The following LRPAP1 variants were observed in gnomAD, a reference collection of about 807,000 sequenced individuals.
LRPAP1 encodes the protein LDL receptor related protein associated protein 1.
Under a neutral mutation model 39.9 loss-of-function variants are expected in LRPAP1, and 41 were observed. The ratio of observed to expected loss-of-function variants is 1.03; its 90% CI spans 0.80 to 1.33. The LOEUF (loss-of-function observed/expected upper bound fraction) is 1.33. Ranked by LOEUF, LRPAP1 falls within the 40% of genes most tolerant of loss-of-function variation. LRPAP1 has a pLI of 0.00. For synonymous variants in LRPAP1, 263 were observed against 212.7 expected (o/e 1.24, Z -2.06); for missense variants, 565 against 482.3 (o/e 1.17, Z -1.61).
intron 7 of LRPAP1, among the ~76,000 whole-genome samples, chr4:3,513,575 C>G (rs1729601022): frequency 6.6e-6 from 1 of 152,214 alleles, no homozygotes; most frequent in African/African-American, 2.4e-5. Context: ...TCCCAAAGTG[C>G]TGGGATTACA....
rs1729371291 is a variant in LRPAP1 at position 3,506,908 on chromosome 4, G to C, written c.*6066C>G. ...ATATCTGAGGAAGGACTCACACCTA[G>C]ACCTGGGAATAACGCTAAGACCAGG... On this transcript the variant is annotated 3_prime_UTR_variant, in exon 8 of 8. Transcript: ENST00000650182. The C allele has an allele frequency of 6.6e-6, 1 of 152,242 alleles. No homozygotes were observed. Among genetic ancestry groups the C allele is most frequent in the African/African-American group, 2.4e-5 (1 of 41,444 alleles). 9.4% of individuals were successfully genotyped at this position (152,242 alleles called of 1,614,324 possible). A position where few individuals can be genotyped will look rare whatever the true frequency, so the allele number is the denominator to read the frequency against.
chr4:3,519,886 A>C (rs959526605), intron 3 of LRPAP1, among the ~76,000 whole-genome samples, 186 bp downstream of exon 3: 2 of 152,242 alleles, frequency 1.3e-5, no homozygotes, highest in South Asian at 2.1e-4. Context: ...GGAATCTTCT[A>C]AACAGGAAAG....
rs1729680306 is a variant in LRPAP1, at chr4:3,515,944, C to G, written c.834+172G>C. 9.2e-6 allele frequency: 6 copies of G among 653,282 alleles called. No homozygotes were observed. The South Asian group carries it at 1.2e-4, about 13-fold the overall frequency. The allele number at this position is 653,282 out of a possible 1,614,324, so 40.5% of individuals were successfully genotyped here. On this transcript the variant is annotated intron_variant, in intron 6 of 7. Transcript: ENST00000650182. ...GGCCCCGCCCCTGAAACACGAGTTCCCACGCAGATGAGAAGGAAAACGCAA... is the reference window on the plus strand; with the variant it reads ...GGCCCCGCCCCTGAAACACGAGTTCGCACGCAGATGAGAAGGAAAACGCAA...
In LRPAP1 at chr4:3,532,321, T is replaced by C; in HGVS notation, c.92A>G (p.His31Arg). 6.3e-7 allele frequency: 1 copy of C among 1,584,084 alleles called. No homozygotes were observed. Among genetic ancestry groups the C allele is most frequent in the Non-Finnish European group, 8.6e-7 (1 of 1,165,056 alleles). Residue 31 changes from histidine to arginine, a missense_variant, in exon 1 of 8, where the codon CAC (histidine) becomes CGC (arginine). By Grantham distance (29) the His-to-Arg change is conservative. Coordinates refer to ENST00000650182, the MANE Select transcript of LRPAP1 (RefSeq NM_002337.4). Reference sequence around the variant, plus strand: ...CTTCTCCCGCGAGTACTTGCCGCCGTGGCTCGCAGCGGGCCAGGGCCCGAG... The same window carrying C: ...CTTCTCCCGCGAGTACTTGCCGCCGCGGCTCGCAGCGGGCCAGGGCCCGAG... ...LFLGPWPAAS[H>R]GGKYSREKNQ...
chr4:3,525,079 G>A, intron 1 of LRPAP1, 28 bp from the exon 2 acceptor site: 1 of 1,613,036 alleles, frequency 6.2e-7, no homozygotes, highest in Non-Finnish European at 8.5e-7. Flanking sequence ...GAGCCTGTGA[G>A]CCACGAGCAG....
chr4:3,517,237 G>A (rs948087607), intron 5 of LRPAP1, among the ~76,000 whole-genome samples: 21 of 152,254 alleles, frequency 1.4e-4, no homozygotes, highest in African/African-American at 3.6e-4. Context: ...ACCTGGGCCC[G>A]CGTGGACACA....
In LRPAP1 at chr4:3,532,319, CG is replaced by C. The variant is rs780710582; in HGVS notation, c.93del (p.His31GlnfsTer29). The C allele has an allele frequency of 6.3e-7, 1 of 1,582,848 alleles. No homozygotes were observed. The stretch of plus-strand genomic sequence containing the variant: ...TTCTTCTCCCGCGAGTACTTGCCGC[CG>C]TGGCTCGCAGCGGGCCAGGGCCCGA... ...LFLGPWPAASHGGKYSREKNQ... is the reference protein window; with the variant it reads ...LFLGPWPAASXGGKYSREKNQ... On this transcript the variant is annotated frameshift_variant, in exon 1 of 8. Transcript: ENST00000650182. LOFTEE classifies it high-confidence loss of function.
chr4:3,514,105 A>G (rs1050119348), intron 7 of LRPAP1, among the ~76,000 whole-genome samples: 1 of 152,254 alleles, frequency 6.6e-6, no homozygotes, highest in African/African-American at 2.4e-5. Context: ...GCCCACGGGC[A>G]AGGGCCACAG....
chr4:3,527,969 A>T (rs1317214114), intron 1 of LRPAP1, among the ~76,000 whole-genome samples: 1 of 152,170 alleles, frequency 6.6e-6, no homozygotes, highest in Non-Finnish European at 1.5e-5. Flanking sequence ...AGGGGGTCTA[A>T]ATTTCACACC....
At chr4:3,515,749 A>G (rs1331043929) in intron 6 of LRPAP1, 2 of 273,362 alleles carry the variant, frequency 7.3e-6, no homozygotes, top group Non-Finnish European at 1.4e-5. Flanking sequence ...CTGGGCCTCC[A>G]TCTCAGGAAG....
chr4:3,526,240 C>G (rs1379426740), intron 1 of LRPAP1, among the ~76,000 whole-genome samples: 2 of 152,188 alleles, frequency 1.3e-5, no homozygotes, highest in Admixed American at 1.3e-4. Flanking sequence ...CCCTGAGCAC[C>G]TGCATTCTCA....
chr4:3,526,283 C>T (rs191844155), intron 1 of LRPAP1, among the ~76,000 whole-genome samples: 14 of 152,278 alleles, frequency 9.2e-5, no homozygotes, highest in African/African-American at 1.2e-4. Flanking sequence ...ATGAGCTGCC[C>T]GTGGCTCTAG....
In LRPAP1 at chr4:3,532,277, G is replaced by C. The variant is rs1307612776; in HGVS notation, c.136C>G (p.Pro46Ala). Reference protein sequence around the residue: ...SREKNQPKPSPKRESGEEFRM... With the variant: ...SREKNQPKPSAKRESGEEFRM... ...AACTCCTCTCCGGACTCGCGTTTCG[G>C]GGACGGCTTGGGCTGGTTCTTCTCC... is the stretch of plus-strand genomic sequence containing the variant. The change falls in exon 1 of 8, where the codon CCG (proline) becomes GCG (alanine). Residue 46 changes from proline (P) to alanine (A), a missense_variant. Pro to Ala is a conservative substitution (Grantham distance 27). Coordinates refer to ENST00000650182, the MANE Select transcript of LRPAP1 (RefSeq NM_002337.4). 7.7e-6 allele frequency: 12 copies of C among 1,558,136 alleles called. No homozygotes were observed. Among genetic ancestry groups the C allele is most frequent in the African/African-American group, 1.4e-5 (1 of 73,582 alleles).
intron 1 of LRPAP1, among the ~76,000 whole-genome samples, chr4:3,531,394 G>A (rs1420087601): frequency 2.0e-5 from 3 of 151,652 alleles, no homozygotes; most frequent in African/African-American, 4.8e-5. Context: ...TTGAGACAGA[G>A]ATCTAATCTG....
chr4:3,529,622 AAG>A (rs1474663797), intron 1 of LRPAP1, among the ~76,000 whole-genome samples: 2 of 152,178 alleles, frequency 1.3e-5, no homozygotes, highest in Non-Finnish European at 2.9e-5. Context: ...CCGCCTGTGA[AAG>A]AGGAACTGGG....
intron 6 of LRPAP1, among the ~76,000 whole-genome samples, chr4:3,515,416 G>A (rs1729661254): frequency 6.6e-6 from 1 of 152,200 alleles, no homozygotes. Flanking sequence ...GCCAGCTAAG[G>A]TGCCCCAGCC....
chr4:3,518,154 C>A lies in LRPAP1; in HGVS notation c.631G>T (p.Asp211Tyr), dbSNP rs111244551. 1 of 1,613,460 alleles carries A rather than the reference C, an allele frequency of 6.2e-7. No individual in the cohort carries two copies. Among genetic ancestry groups the A allele is most frequent in the Admixed American group, 1.7e-5 (1 of 59,992 alleles). The part of the protein sequence containing the change: ...ENVISPSDLS[D>Y]IKGSVLHSRH... ...CTGTGCAGGACGCTGCCCTTGATGT[C>A]GCTCAGGTCCGAGGGGCTAATGACG... The change falls in exon 5 of 8, where the codon GAC becomes TAC. Residue 211 changes from aspartate to tyrosine, a missense_variant. Coordinates refer to ENST00000650182, the MANE Select transcript of LRPAP1 (RefSeq NM_002337.4).
At chr4:3,528,231 C>G (rs529283448) in intron 1 of LRPAP1, among the ~76,000 whole-genome samples, 1 of 152,332 alleles carries the variant, frequency 6.6e-6, no homozygotes, top group South Asian at 2.1e-4. Context: ...AAACATGAAG[C>G]AGCGAGGCAA....
chr4:3,519,411 C>T (rs1385405636), intron 3 of LRPAP1, among the ~76,000 whole-genome samples: 2 of 152,234 alleles, frequency 1.3e-5, no homozygotes, highest in Non-Finnish European at 2.9e-5. Flanking sequence ...GGCTCACACA[C>T]GTCCAGGGAG....
Sources: allele counts gnomAD v4.1 joint callset (sites outside exome capture counted in the v4.1 genomes callset), GRCh38; gene constraint gnomAD v4.1.1; transcripts MANE v1.5; gene names NCBI Gene and HGNC (gene_info 2026-07-23, HGNC 2026-07-21).